Variants in TRRAP observed in about 807,000 individuals in gnomAD.
TRRAP encodes the protein transformation/transcription domain-associated protein.
A neutral mutation model predicts 438.8 loss-of-function variants in TRRAP; 41 were observed. The observed-to-expected ratio is 0.09, with a 90% CI of 0.07 to 0.12. The LOEUF (loss-of-function observed/expected upper bound fraction) is 0.12. TRRAP is among the 10% of genes least tolerant of loss of function. TRRAP has a pLI of 1.00. For missense variants in TRRAP, 3,122 were observed against 5,055.1 expected (o/e 0.62, Z 11.60); for synonymous variants, 1,994 against 1,962.9 (o/e 1.02, Z -0.42).
chr7:99,012,528 A>G lies in TRRAP; in HGVS notation c.*173A>G. ...TAAGAAAGGGAGAATATAGTTTTAG[A>G]GGAAGCTGAACTATGACGATGCTGG... On this transcript the variant is annotated 3_prime_UTR_variant, in exon 73 of 73. Coordinates refer to ENST00000456197, the MANE Select transcript of TRRAP (RefSeq NM_001375524.1). The surrounding 1 kb of genome is among the most constrained non-coding windows in gnomAD (Gnocchi z 5.9). 1.2e-6 allele frequency: 1 copy of G among 811,618 alleles called. No homozygotes were observed. Among genetic ancestry groups the G allele is most frequent in the Non-Finnish European group, 1.9e-6 (1 of 534,384 alleles). 50.3% of individuals were successfully genotyped at this position (811,618 alleles called of 1,614,324 possible). A position where few individuals can be genotyped will look rare whatever the true frequency, so the allele number is the denominator to read the frequency against.
chr7:98,903,459 C>T lies in TRRAP; in HGVS notation c.978C>T (p.His326=). The T allele has an allele frequency of 1.2e-6, 2 of 1,614,216 alleles. No homozygotes were observed. The highest frequency in any genetic ancestry group is 2.7e-5 in the African/African-American group (2 of 75,052). ...LLSNCPAETA[H]LRKELLIAAK... is the part of the protein sequence containing the mutation. ...CAAATTGTCCAGCAGAGACTGCACACCTCAGAAAGGAGCTTCTGATTGCTG... is the reference window on the plus strand; with the variant it reads ...CAAATTGTCCAGCAGAGACTGCACATCTCAGAAAGGAGCTTCTGATTGCTG... The change falls in exon 12 of 73, where the codon CAC becomes CAT. Residue 326 remains histidine, a synonymous_variant. Coordinates refer to ENST00000456197, the MANE Select transcript of TRRAP (RefSeq NM_001375524.1).
At chr7:99,007,166 C>G (rs767684669) in intron 69 of TRRAP, among the ~76,000 whole-genome samples, 1 of 152,220 alleles carries the variant, frequency 6.6e-6, no homozygotes, top group Non-Finnish European at 1.5e-5. Flanking sequence ...GTGGACAGAA[C>G]ACAGAAGATG....
At chr7:98,962,276 G>A (rs1401092332) in intron 46 of TRRAP, 26 bp from the exon 47 acceptor site, 2 of 1,613,848 alleles carry the variant, frequency 1.2e-6, no homozygotes, top group Non-Finnish European at 1.7e-6. Context: ...CATAACCACA[G>A]TGCCTGGGTC....
chr7:98,914,780 A>T (rs1789447025), intron 18 of TRRAP, among the ~76,000 whole-genome samples: 2 of 151,262 alleles, frequency 1.3e-5, no homozygotes, highest in Admixed American at 6.6e-5. Flanking sequence ...GTTTAAGAAA[A>T]GTATTCAAGG....
Position 99,012,005 on chromosome 7 carries a change from T to C in TRRAP, c.11338-66T>C. ...CCGCTGTGGTTGAGTCCCACCTTGT[T>C]AGGAAGCTGCCCCTGTGGGCTGTTC... On this transcript the variant is annotated intron_variant, in intron 72 of 72. Transcript: ENST00000456197. This position sits in a 1 kb window ranked among gnomAD's most constrained non-coding sequence, Gnocchi z 5.9. The C allele has an allele frequency of 6.4e-7, 1 of 1,568,594 alleles. No individual in the cohort carries two copies. The highest frequency in any genetic ancestry group is 1.2e-5 in the South Asian group (1 of 82,300).
At chr7:98,927,905 C>T in intron 23 of TRRAP, among the ~76,000 whole-genome samples, 1 of 152,142 alleles carries the variant, frequency 6.6e-6, no homozygotes. Flanking sequence ...TATTTGTTCA[C>T]TTTTATTTCC....
chr7:98,999,447 G>T, intron 67 of TRRAP: 1 of 888,570 alleles, frequency 1.1e-6, no homozygotes, highest in East Asian at 2.5e-5. Context: ...TGATGGGAGG[G>T]GCTTGAGCTA....
intron 28 of TRRAP, 141 bp downstream of exon 28, chr7:98,935,816 T>C: frequency 1.8e-6 from 1 of 556,432 alleles, no homozygotes; most frequent in South Asian, 3.7e-5. Flanking sequence ...CAAAAAATTA[T>C]TTTTGTATGT....
rs1455439004 is a variant in TRRAP, at chr7:99,005,050, C to T, written c.10536-81C>T. ...CACAGTCCGTTTTCCCGTGACAGTT[C>T]GGACATTCCTAGCTTCTTCTCAAGA... On this transcript the variant is annotated intron_variant, in intron 68 of 72. Transcript: ENST00000456197. This position sits in a 1 kb window ranked among gnomAD's most constrained non-coding sequence, Gnocchi z 5.1. 1.9e-5 allele frequency: 27 copies of T among 1,431,946 alleles called. No homozygotes were observed. The highest frequency in any genetic ancestry group is 2.4e-5 in the Non-Finnish European group (25 of 1,027,088). 88.7% of individuals were successfully genotyped at this position (1,431,946 alleles called of 1,614,324 possible).
intron 28 of TRRAP, 21 bp downstream of exon 28, chr7:98,935,696 G>A (rs782541840): frequency 1.1e-5 from 17 of 1,574,036 alleles, no homozygotes; most frequent in South Asian, 3.4e-5. Flanking sequence ...GAAAATCTAC[G>A]GGGTATAAAA....
intron 3 of TRRAP, among the ~76,000 whole-genome samples, chr7:98,886,459 T>G (rs1311637822): frequency 3.3e-5 from 5 of 152,028 alleles, no homozygotes; most frequent in Non-Finnish European, 7.4e-5. Flanking sequence ...TAGATATAGA[T>G]ATCTAGAGAG....
intron 51 of TRRAP, 118 bp from the exon 52 acceptor site, chr7:98,969,994 C>T (rs942232027): frequency 4.2e-5 from 52 of 1,243,430 alleles, no homozygotes; most frequent in African/African-American, 1.3e-4. Context: ...GTGCTGAGCT[C>T]ATACTTGGAC....
chr7:98,968,837 C>T (rs1036835206), intron 51 of TRRAP, among the ~76,000 whole-genome samples: 3 of 152,228 alleles, frequency 2.0e-5, no homozygotes, highest in African/African-American at 7.2e-5. Context: ...CCTATGGCCA[C>T]ACCTGGGCAG....
At chr7:98,985,106 T>C in intron 62 of TRRAP, 62 bp downstream of exon 62, 1 of 1,242,874 alleles carries the variant, frequency 8.0e-7, no homozygotes, top group African/African-American at 1.5e-5. Flanking sequence ...AAGTTATTTA[T>C]AACCTGAAGC....
chr7:98,895,796 T>A lies in TRRAP; in HGVS notation c.483T>A (p.Ile161=). 6.2e-7 allele frequency: 1 copy of A among 1,607,180 alleles called. No individual in the cohort carries two copies. The highest frequency in any genetic ancestry group is 8.5e-7 in the Non-Finnish European group (1 of 1,177,272). Residue 161 remains isoleucine (I), a synonymous_variant, in exon 7 of 73, where the codon ATT becomes ATA. Transcript: ENST00000456197. ...IHHFLDFVKQ[I]YKELPKVVNR... ...ATTTTCTGGATTTTGTGAAACAGAT[T>A]TACAAGGAGCTTCCAAAAGTAGTGG...
At position 98,911,283 on chromosome 7, in the gene TRRAP, C is replaced by CTTT. The variant is rs782319729; in HGVS notation, c.2007+17_2007+19dup. 5 of 1,589,980 alleles carry CTTT rather than the reference C, an allele frequency of 3.1e-6. No homozygotes were observed. In the South Asian group the frequency reaches 5.7e-5, roughly 18 times the overall value. ...ATTATGCTCTTCAGGTATAAAACTC[C>CTTT]TTTTTTTATGTTGTTTGAACATTAC... is the stretch of plus-strand genomic sequence containing the variant. On this transcript the variant is annotated intron_variant, in intron 17 of 72. Transcript: ENST00000456197.
At chr7:98,973,278 C>A (rs188116120) in intron 53 of TRRAP, among the ~76,000 whole-genome samples, 199 of 152,266 alleles carry the variant, frequency 1.3e-3, no homozygotes, top group African/African-American at 4.2e-3. Flanking sequence ...AGACCCATGT[C>A]CCTACTGCCG....
At chr7:98,896,739 G>A (rs1045865577) in intron 7 of TRRAP, among the ~76,000 whole-genome samples, 3 of 152,078 alleles carry the variant, frequency 2.0e-5, no homozygotes, top group Non-Finnish European at 4.4e-5. Flanking sequence ...GGATAAAATT[G>A]ACTCTTTTTG....
In TRRAP at chr7:98,961,407, C is replaced by A; in HGVS notation, c.6636C>A (p.Asn2212Lys). The change falls in exon 46 of 73, where the codon AAC (asparagine) becomes AAA (lysine). Residue 2212 changes from asparagine (N) to lysine (K), a missense_variant. This residue lies in a region of TRRAP where 992 missense variants were observed against 1,281.2 expected (regional missense o/e 0.77). Transcript: ENST00000456197. The part of the protein sequence containing the change: ...RGIAACMTCG[N>K]TKVLRAVHSL... ...TTGCCGCCTGCATGACATGTGGAAA[C>A]ACCAAGGTGTTGCGAGCCGTCCACA... 6.2e-7 allele frequency: 1 copy of A among 1,614,248 alleles called. No individual in the cohort carries two copies. The highest frequency in any genetic ancestry group is 2.2e-5 in the East Asian group (1 of 44,884).
Sources: allele counts gnomAD v4.1 joint callset (sites outside exome capture counted in the v4.1 genomes callset), GRCh38; gene constraint gnomAD v4.1.1; regional missense constraint gnomAD v4.1.1; non-coding constraint Gnocchi (gnomAD v3.1); transcripts MANE v1.5; gene names NCBI Gene and HGNC (gene_info 2026-07-23, HGNC 2026-07-21).